Variants in MAP2K5 observed in about 807,000 individuals in gnomAD.
MAP2K5 encodes the protein mitogen-activated protein kinase kinase 5.
A neutral mutation model predicts 83.1 loss-of-function variants in MAP2K5; 49 were observed. The observed-to-expected ratio is 0.59, with a 90% confidence interval of 0.47 to 0.75. The LOEUF (loss-of-function observed/expected upper bound fraction) is 0.75, where lower values mean the gene tolerates loss of function less well. Among genes scored for constraint, MAP2K5 ranks in the 30% least tolerant of loss-of-function variants. MAP2K5 has a pLI of 0.00. For synonymous variants in MAP2K5, 202 were observed against 191.8 expected, an observed-to-expected ratio of 1.05 and a Z score of -0.44; for missense variants, 457 against 557.5, an observed-to-expected ratio of 0.82 and a Z score of 1.82.
chr15:67,692,382 T>C (rs1213357492), intron 13 of MAP2K5, 97 bp from the exon 14 acceptor site: 1 of 755,904 alleles, frequency 1.3e-6, no homozygotes, highest in Non-Finnish European at 2.2e-6. Flanking sequence ...GATGATGTCA[T>C]TTCTGCAACT....
intron 12 of MAP2K5, among the ~76,000 whole-genome samples, chr15:67,661,386 G>T (rs2087235371): frequency 6.6e-6 from 1 of 152,064 alleles, no homozygotes; most frequent in Admixed American, 6.6e-5. Flanking sequence ...CTGAAAGGAG[G>T]TGCACTTGAC....
intron 6 of MAP2K5, among the ~76,000 whole-genome samples, chr15:67,590,979 G>T (rs1281942511): frequency 6.6e-6 from 1 of 152,170 alleles, no homozygotes; most frequent in African/African-American, 2.4e-5. Context: ...TTGGGGGAGG[G>T]TATGGTAGGA....
intron 21 of MAP2K5, among the ~76,000 whole-genome samples, chr15:67,788,443 T>C (rs1470924026): frequency 6.6e-6 from 1 of 152,180 alleles, no homozygotes; most frequent in Non-Finnish European, 1.5e-5. Flanking sequence ...TGCTTCATTA[T>C]TGAAGGTAGA....
chr15:67,719,030 A>C lies in MAP2K5; in HGVS notation c.1045-8886A>C, dbSNP rs755663482. Among the ~76,000 whole-genome samples, 27 of 152,278 alleles carry C rather than the reference A, an allele frequency of 1.8e-4. No individual in the cohort carries two copies. The highest frequency in any genetic ancestry group is 3.7e-4 in the Non-Finnish European group (25 of 68,014). ...TTCTAACTTTATTTTTGTACCCATTAATCATCCCCACTCTTCTCCTTGCCA... is the reference window on the plus strand; with the variant it reads ...TTCTAACTTTATTTTTGTACCCATTCATCATCCCCACTCTTCTCCTTGCCA... On this transcript the variant is annotated intron_variant, in intron 16 of 21. Coordinates refer to ENST00000178640, the MANE Select transcript of MAP2K5 (RefSeq NM_145160.3). The surrounding 1 kb of genome is among the most constrained non-coding windows in gnomAD (Gnocchi z 4.6).
rs2088860469 is a variant in MAP2K5 at position 67,717,701 on chromosome 15, A to G, written c.1045-10215A>G. Among the ~76,000 whole-genome samples, 1 of 152,188 alleles carries G rather than the reference A, an allele frequency of 6.6e-6. No homozygotes were observed. The highest frequency in any genetic ancestry group is 1.5e-5 in the Non-Finnish European group (1 of 68,032). Reference sequence around the variant, plus strand: ...GGTTGCAGTTGGGTAGTGGTTAAGGATGGAAGATCCAAGATGACTTCATAT... The same window carrying G: ...GGTTGCAGTTGGGTAGTGGTTAAGGGTGGAAGATCCAAGATGACTTCATAT... On this transcript the variant is annotated intron_variant, in intron 16 of 21. Coordinates refer to ENST00000178640, the MANE Select transcript of MAP2K5 (RefSeq NM_145160.3). This position sits in a 1 kb window ranked among gnomAD's most constrained non-coding sequence, Gnocchi z 4.1.
rs1236935682 is a variant in MAP2K5, at chr15:67,637,922, G to GTGTGTT, written c.585+7000_585+7001insTTGTGT. On this transcript the variant is annotated intron_variant, in intron 9 of 21. Coordinates refer to ENST00000178640, the MANE Select transcript of MAP2K5 (RefSeq NM_145160.3). The surrounding 1 kb of genome is among the most constrained non-coding windows in gnomAD (Gnocchi z 4.5). The stretch of plus-strand genomic sequence containing the variant: ...TGGAAGCCTGTTGATGTGTGTGTGA[G>GTGTGTT]TGTGTGTGTATGTGTGTTTTAGTAC... 3.3e-5 allele frequency among the ~76,000 whole-genome samples: 5 copies of GTGTGTT among 150,594 alleles called. No individual in the cohort carries two copies. The highest frequency in any genetic ancestry group is 1.2e-4 in the African/African-American group (5 of 40,902).
At chr15:67,560,607 G>T (rs2084715332) in intron 2 of MAP2K5, among the ~76,000 whole-genome samples, 1 of 152,220 alleles carries the variant, frequency 6.6e-6, no homozygotes, top group African/African-American at 2.4e-5. Flanking sequence ...TCACTGGGTT[G>T]ATGTCAAAAG....
rs776344597 is a variant in MAP2K5 at position 67,543,458 on chromosome 15, C to A, written c.123C>A (p.Phe41Leu). 9 of 1,614,186 alleles carry A rather than the reference C, an allele frequency of 5.6e-6. No individual in the cohort carries two copies. The highest frequency in any genetic ancestry group is 1.7e-5 in the Admixed American group (1 of 60,026). ...TGCACTCCGGGCCGCAGTTACTCTTCAGGGATGTGCTGGTGAGTGGTAATC... is the reference window on the plus strand; with the variant it reads ...TGCACTCCGGGCCGCAGTTACTCTTAAGGGATGTGCTGGTGAGTGGTAATC... ...WTVHSGPQLL[F>L]RDVLDVIGQV... The change falls in exon 1 of 22, where the codon TTC becomes TTA. Residue 41 changes from phenylalanine to leucine, a missense_variant. Physicochemically the swap from Phe to Leu is conservative, Grantham distance 22 (BLOSUM62 0). Coordinates refer to ENST00000178640, the MANE Select transcript of MAP2K5 (RefSeq NM_145160.3). This position sits in a 1 kb window ranked among gnomAD's most constrained non-coding sequence, Gnocchi z 4.3.
Position 67,764,562 on chromosome 15 carries a change from C to T in MAP2K5, c.1135-5040C>T, listed in dbSNP as rs185402919. On this transcript the variant is annotated intron_variant, in intron 19 of 21. Transcript: ENST00000178640. This position sits in a 1 kb window ranked among gnomAD's most constrained non-coding sequence, Gnocchi z 4.9. ...GGGATGTACATCTTATCCCTCTGAA[C>T]AATACACAAATTCTTTGAGGATATG... Among the ~76,000 whole-genome samples the T allele has an allele frequency of 1.3e-4, 20 of 152,266 alleles. No homozygotes were observed. In the East Asian group the frequency reaches 3.9e-3, roughly 29 times the overall value.
At chr15:67,641,697 G>A (rs1016009440) in intron 9 of MAP2K5, 1 of 795,408 alleles carries the variant, frequency 1.3e-6, no homozygotes, top group Admixed American at 6.2e-5. Flanking sequence ...TCCATGGAAT[G>A]CTTCATATTC....
At position 67,646,399 on chromosome 15, in the gene MAP2K5, A is replaced by G. The variant is rs763229142; in HGVS notation, c.666A>G (p.Ser222=). The change falls in exon 11 of 22, where the codon TCA becomes TCG. Residue 222 remains serine (S), a synonymous_variant. Transcript: ENST00000178640. ...TATTTTTGTTACAGTGCGATTCATCATATATCATTGGATTTTATGGAGCAT... is the reference window on the plus strand; with the variant it reads ...TATTTTTGTTACAGTGCGATTCATCGTATATCATTGGATTTTATGGAGCAT... ...ELEILYKCDS[S]YIIGFYGAFF... The G allele has an allele frequency of 3.8e-6, 6 of 1,592,766 alleles. No homozygotes were observed. The highest frequency in any genetic ancestry group is 2.2e-5 in the South Asian group (2 of 89,754).
chr15:67,647,932 C>G (rs1263494107), intron 11 of MAP2K5, among the ~76,000 whole-genome samples: 1 of 149,894 alleles, frequency 6.7e-6, no homozygotes, highest in African/African-American at 2.5e-5. Flanking sequence ...CTCAGTTACT[C>G]TGGGGGCTGA....
At position 67,627,927 on chromosome 15, in the gene MAP2K5, C is replaced by G. The variant is rs1481907736; in HGVS notation, c.546-2961C>G. 11 of 788,606 alleles carry G rather than the reference C, an allele frequency of 1.4e-5. No individual in the cohort carries two copies. The East Asian group carries it at 1.8e-4, about 13-fold the overall frequency. The allele number at this position is 788,606 out of a possible 1,614,324, so 48.9% of individuals were successfully genotyped here. A position where few individuals can be genotyped will look rare whatever the true frequency, so the allele number is the denominator to read the frequency against. On this transcript the variant is annotated intron_variant, in intron 8 of 21. Transcript: ENST00000178640. ...ATTGGAGGGCTGAACTTTGAAACAA[C>G]CGATGAGAGCCTGAGGAGCCATTTT... is the stretch of plus-strand genomic sequence containing the variant.
In MAP2K5 at chr15:67,748,562, A is replaced by C; in HGVS notation, c.1102-7A>C. 1 of 1,613,816 alleles carries C rather than the reference A, an allele frequency of 6.2e-7. No homozygotes were observed. On this transcript the variant is annotated splice_region_variant and splice_polypyrimidine_tract_variant and intron_variant, in intron 18 of 21. Transcript: ENST00000178640. The surrounding 1 kb of genome is among the most constrained non-coding windows in gnomAD (Gnocchi z 4.0). ...AATACTTTTTCCTCTCTTCTTTTCCATTGCAGCCTCTCCAGCTTCTGCAGT... is the reference window on the plus strand; with the variant it reads ...AATACTTTTTCCTCTCTTCTTTTCCCTTGCAGCCTCTCCAGCTTCTGCAGT...
chr15:67,662,772 A>G (rs568887280), intron 12 of MAP2K5, among the ~76,000 whole-genome samples: 1 of 152,136 alleles, frequency 6.6e-6, no homozygotes, highest in Non-Finnish European at 1.5e-5. Flanking sequence ...TGAGAGTGAA[A>G]AATGCAAATC....
At chr15:67,597,307 TG>T (rs1324033177) in intron 7 of MAP2K5, among the ~76,000 whole-genome samples, 1 of 152,248 alleles carries the variant, frequency 6.6e-6, no homozygotes, top group Non-Finnish European at 1.5e-5. Flanking sequence ...TCGTAGCTAA[TG>T]AAATTTCTTT....
rs1355188721 is a variant in MAP2K5, at chr15:67,665,435, A to G, written c.847+790A>G. ...TTAATTTTACACATCTGCTCATCTTAGCTGTATGTACATTTGGGGAATGGA... is the reference window on the plus strand; with the variant it reads ...TTAATTTTACACATCTGCTCATCTTGGCTGTATGTACATTTGGGGAATGGA... On this transcript the variant is annotated intron_variant, in intron 13 of 21. Coordinates refer to ENST00000178640, the MANE Select transcript of MAP2K5 (RefSeq NM_145160.3). This position sits in a 1 kb window ranked among gnomAD's most constrained non-coding sequence, Gnocchi z 4.2. 1.3e-5 allele frequency among the ~76,000 whole-genome samples: 2 copies of G among 152,224 alleles called. No homozygotes were observed. The highest frequency in any genetic ancestry group is 2.9e-5 in the Non-Finnish European group (2 of 68,032).
rs142424210 is a variant in MAP2K5 at position 67,747,900 on chromosome 15, C to T, written c.1075-331C>T. 6.6e-6 allele frequency among the ~76,000 whole-genome samples: 1 copy of T among 152,156 alleles called. No individual in the cohort carries two copies. Among genetic ancestry groups the T allele is most frequent in the Non-Finnish European group, 1.5e-5 (1 of 68,032 alleles). ...TTCGTAACATTAGCAATGATTGCAACATTAAGCCCAGTGTTCACAATCTAG... is the reference window on the plus strand; with the variant it reads ...TTCGTAACATTAGCAATGATTGCAATATTAAGCCCAGTGTTCACAATCTAG... On this transcript the variant is annotated intron_variant, in intron 17 of 21. Coordinates refer to ENST00000178640, the MANE Select transcript of MAP2K5 (RefSeq NM_145160.3). The surrounding 1 kb of genome is among the most constrained non-coding windows in gnomAD (Gnocchi z 4.1).
chr15:67,548,508 A>G (rs892940278), intron 1 of MAP2K5, among the ~76,000 whole-genome samples: 1 of 152,240 alleles, frequency 6.6e-6, no homozygotes, highest in African/African-American at 2.4e-5. Flanking sequence ...CACTCTTCTG[A>G]GTACTTTACA....
Sources: allele counts gnomAD v4.1 joint callset (sites outside exome capture counted in the v4.1 genomes callset), GRCh38; gene constraint gnomAD v4.1.1; non-coding constraint Gnocchi (gnomAD v3.1); transcripts MANE v1.5; gene names NCBI Gene and HGNC (gene_info 2026-07-23, HGNC 2026-07-21).